The following TM9SF3 variants were observed in gnomAD, a reference collection of about 807,000 sequenced individuals.
The protein encoded by TM9SF3 is transmembrane 9 superfamily member 3, also known as SM-11044-binding protein.
Under a neutral mutation model 78.6 loss-of-function variants are expected in TM9SF3, and 14 were observed. The ratio of observed to expected loss-of-function variants is 0.18; its 90% CI spans 0.12 to 0.28. The LOEUF is 0.28. Ranked by LOEUF, TM9SF3 falls within the 10% of genes least tolerant of loss-of-function variation. TM9SF3 has a pLI of 1.00. For missense variants in TM9SF3, 496 were observed against 721.9 expected (o/e 0.69, Z 3.59); for synonymous variants, 231 against 241.7 (o/e 0.96, Z 0.41).
At chr10:96,536,120 GA>G (rs953905011) in intron 9 of TM9SF3, among the ~76,000 whole-genome samples, 9 of 151,372 alleles carry the variant, frequency 5.9e-5, no homozygotes, top group African/African-American at 9.7e-5. Context: ...AAAATTAAAA[GA>G]AAAAAAACTT....
Position 96,524,674 on chromosome 10 carries a change from A to C in TM9SF3, c.1703-2344T>G, listed in dbSNP as rs993621714. 7.2e-5 allele frequency among the ~76,000 whole-genome samples: 11 copies of C among 151,956 alleles called. No individual in the cohort carries two copies. The East Asian group carries it at 2.1e-3, about 29-fold the overall frequency. On this transcript the variant is annotated intron_variant, in intron 14 of 14. Coordinates refer to ENST00000371142, the MANE Select transcript of TM9SF3 (RefSeq NM_020123.4). ...GGTGCACTTTTAAACTTAATTCCTC[A>C]AAACAAAAATGCTATGCTCATAATA...
intron 14 of TM9SF3, among the ~76,000 whole-genome samples, chr10:96,525,309 T>G (rs550899078): frequency 9.7e-4 from 148 of 152,218 alleles, no homozygotes; most frequent in African/African-American, 3.3e-3. Flanking sequence ...CCTCTCATCT[T>G]TCTCTCAAAG....
intron 2 of TM9SF3, among the ~76,000 whole-genome samples, chr10:96,573,408 G>A (rs143795113): frequency 0.011 from 1,638 of 152,220 alleles, 14 homozygotes; most frequent in Non-Finnish European, 0.018. Flanking sequence ...CTACAGTAGA[G>A]GGCGAAGATA....
At chr10:96,585,916 A>G (rs549889769) in intron 1 of TM9SF3, among the ~76,000 whole-genome samples, 4 of 152,370 alleles carry the variant, frequency 2.6e-5, no homozygotes, top group South Asian at 2.1e-4. Flanking sequence ...AGTCGTTCAC[A>G]TGCACGTTTT....
chr10:96,527,364 G>C (rs368214862), intron 13 of TM9SF3, 49 bp downstream of exon 13: 1 of 1,590,030 alleles, frequency 6.3e-7, no homozygotes, highest in Non-Finnish European at 8.6e-7. Context: ...AGTATTTAAA[G>C]GACAAATTTA....
At chr10:96,540,708 G>T (rs1031021081) in intron 9 of TM9SF3, among the ~76,000 whole-genome samples, 1 of 140,752 alleles carries the variant, frequency 7.1e-6, no homozygotes, top group Non-Finnish European at 1.5e-5. Flanking sequence ...TTGCTTTAGC[G>T]TTTGTGAACA....
At chr10:96,586,269 G>A (rs1453057999) in intron 1 of TM9SF3, among the ~76,000 whole-genome samples, 2 of 152,198 alleles carry the variant, frequency 1.3e-5, no homozygotes, top group Non-Finnish European at 2.9e-5. Context: ...ATAAAGTGTA[G>A]GATATTTCCT....
At chr10:96,523,083 A>AT (rs1317253698) in intron 14 of TM9SF3, among the ~76,000 whole-genome samples, 9 of 151,924 alleles carry the variant, frequency 5.9e-5, no homozygotes, top group African/African-American at 2.2e-4. Context: ...GAATGAATGA[A>AT]TGAACTAGAT....
intron 1 of TM9SF3, among the ~76,000 whole-genome samples, chr10:96,580,427 G>C (rs574013605): frequency 1.3e-5 from 2 of 151,930 alleles, no homozygotes; most frequent in Non-Finnish European, 2.9e-5. Flanking sequence ...CACCACACCC[G>C]GCTAATTTTT....
chr10:96,544,441 T>C (rs966492722), intron 8 of TM9SF3, among the ~76,000 whole-genome samples: 1 of 152,222 alleles, frequency 6.6e-6, no homozygotes, highest in Non-Finnish European at 1.5e-5. Context: ...GTCTTGACTC[T>C]GCCACTGAAC....
chr10:96,543,105 T>C (rs944389055), intron 9 of TM9SF3, among the ~76,000 whole-genome samples: 1 of 152,226 alleles, frequency 6.6e-6, no homozygotes, highest in African/African-American at 2.4e-5. Flanking sequence ...CGTATGAACA[T>C]GTATGCACAA....
chr10:96,532,288 C>T (rs1402625611), intron 10 of TM9SF3, among the ~76,000 whole-genome samples: 1 of 151,704 alleles, frequency 6.6e-6, no homozygotes, highest in African/African-American at 2.4e-5. Flanking sequence ...CTCTCATAAG[C>T]ACCAATCTAA....
chr10:96,553,127 G>A (rs1848193926), intron 5 of TM9SF3, 68 bp from the exon 6 acceptor site: 8 of 1,456,486 alleles, frequency 5.5e-6, no homozygotes, highest in African/African-American at 2.9e-5. Flanking sequence ...GGTTCCATGA[G>A]GACAACCGGA....
At chr10:96,586,509 G>C (rs1424017586) in intron 1 of TM9SF3, among the ~76,000 whole-genome samples, 1 of 151,856 alleles carries the variant, frequency 6.6e-6, no homozygotes, top group East Asian at 2.0e-4. Context: ...CCAGACCGGG[G>C]GAAGGAGACC....
At chr10:96,578,054 T>C (rs1041553279) in intron 1 of TM9SF3, among the ~76,000 whole-genome samples, 3 of 152,144 alleles carry the variant, frequency 2.0e-5, no homozygotes, top group Admixed American at 6.5e-5. Flanking sequence ...ACCCCAAATC[T>C]CTCTGCACTC....
intron 2 of TM9SF3, among the ~76,000 whole-genome samples, chr10:96,571,576 G>T (rs966235579): frequency 1.3e-5 from 2 of 152,134 alleles, no homozygotes; most frequent in South Asian, 2.1e-4. Context: ...GGGAAATACC[G>T]CATGGTGAAG....
intron 1 of TM9SF3, among the ~76,000 whole-genome samples, chr10:96,582,390 T>C (rs1344765613): frequency 6.6e-6 from 1 of 152,226 alleles, no homozygotes; most frequent in African/African-American, 2.4e-5. Context: ...GATTAAATTA[T>C]TGAGTCTTTC....
At chr10:96,550,060 G>A (rs1394063463) in intron 7 of TM9SF3, among the ~76,000 whole-genome samples, 2 of 152,118 alleles carry the variant, frequency 1.3e-5, no homozygotes, top group African/African-American at 4.8e-5. Flanking sequence ...CATTATGCCC[G>A]AAAATATGAA....
intron 9 of TM9SF3, among the ~76,000 whole-genome samples, chr10:96,540,605 G>A (rs1240798758): frequency 1.3e-5 from 2 of 150,968 alleles, no homozygotes; most frequent in African/African-American, 4.9e-5. Context: ...GGAAGAATGG[G>A]ATAGAGCCAT....
Sources: gnomAD v4.1 joint callset for allele counts (sites outside exome capture counted in the v4.1 genomes callset) on GRCh38, gnomAD v4.1.1 for gene constraint, MANE v1.5 for transcripts, NCBI Gene and HGNC (gene_info 2026-07-23, HGNC 2026-07-21) for gene names.